COBL: variants seen among roughly 807,000 people sequenced by gnomAD.
COBL encodes cordon-bleu WH2 repeat protein, also known as protein cordon-bleu.
A neutral mutation model predicts 98.8 loss-of-function variants in COBL; 51 were observed. The observed-to-expected ratio is 0.52, with a 90% CI of 0.41 to 0.65. COBL has a LOEUF of 0.65. Among genes scored for constraint, COBL ranks in the 30% least tolerant of loss-of-function variants. COBL has a pLI of 0.00. For missense variants in COBL, 1,617 were observed against 1,617.5 expected, an observed-to-expected ratio of 1.00 and a Z score of 0.01; for synonymous variants, 634 against 651.7, an observed-to-expected ratio of 0.97 and a Z score of 0.41.
At chr7:51,102,493 C>A (rs886668088) in intron 6 of COBL, among the ~76,000 whole-genome samples, 20 of 152,316 alleles carry the variant, frequency 1.3e-4, no homozygotes, top group Admixed American at 1.2e-3. Flanking sequence ...ATACCTCACT[C>A]TGGGAGTGGC....
chr7:51,053,953 G>A (rs1562849158), intron 7 of COBL, among the ~76,000 whole-genome samples: 1 of 152,260 alleles, frequency 6.6e-6, no homozygotes, highest in Non-Finnish European at 1.5e-5. Flanking sequence ...GGCCGAGGTG[G>A]GTGGATGACT....
At chr7:51,166,737 T>C (rs1031747945) in intron 5 of COBL, among the ~76,000 whole-genome samples, 1 of 152,126 alleles carries the variant, frequency 6.6e-6, no homozygotes, top group South Asian at 2.1e-4. Context: ...CAACAATACA[T>C]TAGAAAGATC....
chr7:51,087,721 G>A (rs955228841), intron 6 of COBL, among the ~76,000 whole-genome samples: 4 of 150,308 alleles, frequency 2.7e-5, no homozygotes, highest in South Asian at 2.1e-4. Flanking sequence ...TGATGCACCC[G>A]CCTCGGCCTC....
rs1786375402 is a variant in COBL, at chr7:51,017,377, CTCCTT to C, written c.*169_*173del. 1.5e-6 allele frequency: 1 copy of C among 667,578 alleles called. No individual in the cohort carries two copies. The highest frequency in any genetic ancestry group is 1.7e-5 in the South Asian group (1 of 58,068). The allele number at this position is 667,578 out of a possible 1,614,324, so 41.4% of individuals were successfully genotyped here. A position where few individuals can be genotyped will look rare whatever the true frequency, so the allele number is the denominator to read the frequency against. On this transcript the variant is annotated 3_prime_UTR_variant, in exon 13 of 13. Transcript: ENST00000265136. Reference sequence around the variant, plus strand: ...GAGCTGCGCAGCGACACAGCATCTTCTCCTTTCCTTTCAAGCCGTTATACAGGAAC... The same window carrying C: ...GAGCTGCGCAGCGACACAGCATCTTCTCCTTTCAAGCCGTTATACAGGAAC...
intron 2 of COBL, among the ~76,000 whole-genome samples, chr7:51,210,445 C>T (rs1054253946): frequency 1.3e-5 from 2 of 152,220 alleles, no homozygotes; most frequent in African/African-American, 4.8e-5. Context: ...CTGGAACCCG[C>T]ACCCAGGACA....
In COBL at chr7:51,031,011, T is replaced by C. The variant is rs147610449; in HGVS notation, c.1407-102A>G. The stretch of plus-strand genomic sequence containing the variant: ...AGGATAGAACAGCTCATACTCAAAT[T>C]CAAGCAGTCACATACTCACTGTACT... On this transcript the variant is annotated intron_variant, in intron 8 of 12. Transcript: ENST00000265136. 1.2e-4 allele frequency: 98 copies of C among 815,244 alleles called. No homozygotes were observed. The African/African-American group carries it at 1.6e-3, about 13-fold the overall frequency. The allele number at this position is 815,244 out of a possible 1,614,324, so 50.5% of individuals were successfully genotyped here.
intron 6 of COBL, among the ~76,000 whole-genome samples, chr7:51,093,886 C>T (rs1378761764): frequency 6.6e-6 from 1 of 150,560 alleles, no homozygotes; most frequent in Non-Finnish European, 1.5e-5. Flanking sequence ...GGCACCAGGC[C>T]CTGACACCAA....
At chr7:51,096,310 T>C (rs905687720) in intron 6 of COBL, among the ~76,000 whole-genome samples, 5 of 152,096 alleles carry the variant, frequency 3.3e-5, no homozygotes, top group Non-Finnish European at 5.9e-5. Flanking sequence ...TCAGAAAATA[T>C]ATTGAGACAA....
chr7:51,273,267 G>T (rs900020505), intron 1 of COBL, among the ~76,000 whole-genome samples: 5 of 149,278 alleles, frequency 3.3e-5, no homozygotes, highest in Non-Finnish European at 7.4e-5. Context: ...GGCAGAGGTT[G>T]CAGTGAGCTG....
rs114437944 is a variant in COBL at position 51,068,961 on chromosome 7, T to C, written c.1096+16205A>G. Reference sequence around the variant, plus strand: ...CTATGGAGCCTGAAGACTCCAAATGTAGGCCACTTGTGCAGTGAGTGACAG... The same window carrying C: ...CTATGGAGCCTGAAGACTCCAAATGCAGGCCACTTGTGCAGTGAGTGACAG... On this transcript the variant is annotated intron_variant, in intron 7 of 12. Transcript: ENST00000265136. Among the ~76,000 whole-genome samples, 756 of 152,354 alleles carry C rather than the reference T, an allele frequency of 5.0e-3. 8 individuals are homozygous for C. Among genetic ancestry groups the C allele is most frequent in the African/African-American group, 0.017 (713 of 41,588 alleles).
intron 6 of COBL, among the ~76,000 whole-genome samples, chr7:51,107,843 T>C (rs1259659919): frequency 2.6e-5 from 4 of 152,244 alleles, no homozygotes; most frequent in African/African-American, 9.6e-5. Flanking sequence ...AAGGAAGATA[T>C]GTAAATCAAG....
rs140530900 is a variant in COBL, at chr7:51,017,565, G to A, written c.3772C>T (p.Pro1258Ser). The change falls in exon 13 of 13, where the codon CCC becomes TCC. Residue 1258 changes from proline to serine, a missense_variant. This residue lies in a region of COBL where 1,304 missense variants were observed against 1,282.0 expected (regional missense o/e 1.02). Transcript: ENST00000265136. The stretch of plus-strand genomic sequence containing the variant: ...CCTCTGTTCATTCACACGAGCAAGG[G>A]CACCTGCAGGGAAGAGAGATTCACA... ...GTGAARLRKV[P>S]LLV 1.9e-6 allele frequency: 3 copies of A among 1,613,840 alleles called. No individual in the cohort carries two copies. In the African/African-American group the frequency reaches 4.0e-5, roughly 22 times the overall value.
At chr7:51,152,732 A>AT (rs1341614105) in intron 5 of COBL, among the ~76,000 whole-genome samples, 6 of 152,240 alleles carry the variant, frequency 3.9e-5, no homozygotes, top group African/African-American at 1.4e-4. Context: ...TTAATTGACA[A>AT]TATAAACAGG....
At chr7:51,155,503 T>A (rs982625324) in intron 5 of COBL, among the ~76,000 whole-genome samples, 3 of 136,062 alleles carry the variant, frequency 2.2e-5, no homozygotes, top group Non-Finnish European at 3.0e-5. Context: ...GGCAGGAGAA[T>A]CATTTGAACC....
intron 1 of COBL, among the ~76,000 whole-genome samples, chr7:51,241,403 A>G (rs897375021): frequency 5.9e-5 from 9 of 152,156 alleles, no homozygotes; most frequent in Non-Finnish European, 8.8e-5. Context: ...CAGTGAGAAC[A>G]TATCTCCCCA....
chr7:51,170,699 T>A (rs1189041426), intron 5 of COBL, among the ~76,000 whole-genome samples: 1 of 151,828 alleles, frequency 6.6e-6, no homozygotes, highest in African/African-American at 2.4e-5. Flanking sequence ...AGAAAAATAT[T>A]CCATGCTCCC....
chr7:51,143,660 G>C (rs529700345), intron 5 of COBL, among the ~76,000 whole-genome samples: 59 of 152,282 alleles, frequency 3.9e-4, no homozygotes, highest in African/African-American at 1.2e-3. Flanking sequence ...AAACAAAAAA[G>C]GGAACAATTC....
chr7:51,236,860 C>T (rs1179122342), intron 1 of COBL, among the ~76,000 whole-genome samples: 2 of 152,318 alleles, frequency 1.3e-5, no homozygotes, highest in South Asian at 2.1e-4. Flanking sequence ...CCCACCTCTG[C>T]CCTGTCTCCA....
intron 6 of COBL, among the ~76,000 whole-genome samples, chr7:51,117,722 T>A (rs1583852459): frequency 6.6e-6 from 1 of 152,224 alleles, no homozygotes; most frequent in Non-Finnish European, 1.5e-5. Flanking sequence ...CTTTTTCACA[T>A]TTTCGAATAG....
Sources: gnomAD v4.1 joint callset for allele counts (sites outside exome capture counted in the v4.1 genomes callset) on GRCh38, gnomAD v4.1.1 for gene constraint, gnomAD v4.1.1 regional missense constraint, MANE v1.5 for transcripts, NCBI Gene and HGNC (gene_info 2026-07-23, HGNC 2026-07-21) for gene names.